Variants in ZNF331 observed in about 807,000 individuals in gnomAD.
ZNF331 encodes C2H2-like zinc finger protein rearranged in thyroid adenomas.
In ZNF331, 2 loss-of-function variants were observed where a neutral mutation model predicts 7.0. The ratio of observed to expected loss-of-function variants is 0.29; its 90% CI spans 0.12 to 0.90. The LOEUF (loss-of-function observed/expected upper bound fraction) is 0.90. ZNF331 is among the 40% of genes least tolerant of loss of function. ZNF331 has a pLI of 0.58. For missense variants in ZNF331, 432 were observed against 587.7 expected, an observed-to-expected ratio of 0.74 and a Z score of 2.74; for synonymous variants, 196 against 205.4, an observed-to-expected ratio of 0.95 and a Z score of 0.39.
chr19:53,517,195 A>T (rs4803140), upstream of ZNF331, among the ~76,000 whole-genome samples: 50,706 of 152,014 alleles, frequency 0.33, 8,679 homozygotes, highest in Middle Eastern at 0.42. Flanking sequence ...AAAACACCTG[A>T]TGTACAGAGT....
intron 2 of ZNF331, chr19:53,554,627 TG>T: frequency 6.6e-6 from 1 of 152,356 alleles, no homozygotes. Context: ...TTGGGGGTGA[TG>T]GGGGCCGTGC....
At chr19:53,522,280 T>C (rs1433406859) in intron 1 of ZNF331, among the ~76,000 whole-genome samples, 2 of 145,126 alleles carry the variant, frequency 1.4e-5, no homozygotes, top group Non-Finnish European at 3.0e-5. Context: ...TGAGACAGAG[T>C]CTTGCTCTGT....
chr19:53,517,857 C>T (rs1343552136), upstream of ZNF331, among the ~76,000 whole-genome samples: 1 of 152,150 alleles, frequency 6.6e-6, no homozygotes, highest in Non-Finnish European at 1.5e-5. Context: ...CAGGTCCACA[C>T]ACGTTTGTAT....
intron 2 of ZNF331, among the ~76,000 whole-genome samples, chr19:53,544,796 C>T (rs62143909): frequency 6.6e-6 from 1 of 151,582 alleles, no homozygotes; most frequent in East Asian, 2.0e-4. Context: ...TGCAGTGGCA[C>T]AATCTCAGCT....
upstream of ZNF331, among the ~76,000 whole-genome samples, chr19:53,519,586 C>T (rs560589863): frequency 6.6e-6 from 1 of 152,352 alleles, no homozygotes; most frequent in South Asian, 2.1e-4. Flanking sequence ...ATCATAAGAA[C>T]ATCTTGTCAA....
intron 3 of ZNF331, among the ~76,000 whole-genome samples, chr19:53,565,163 T>C (rs969554183): frequency 2.6e-5 from 4 of 152,128 alleles, no homozygotes; most frequent in Non-Finnish European, 4.4e-5. Flanking sequence ...GGAAACTAAA[T>C]AGAAGAAGCT....
rs1163846708 is a variant in ZNF331, at chr19:53,544,512, T to C, written c.-138+5230T>C. Among the ~76,000 whole-genome samples the C allele has an allele frequency of 2.8e-5, 4 of 140,976 alleles. 1 individual carries two copies. In the South Asian group the frequency reaches 9.1e-4, roughly 32 times the overall value. 92.5% of individuals were successfully genotyped at this position (140,976 alleles called of 152,430 possible). A position where few individuals can be genotyped will look rare whatever the true frequency, so the allele number is the denominator to read the frequency against. On this transcript the variant is annotated intron_variant, in intron 2 of 5. Transcript: ENST00000449416. Reference sequence around the variant, plus strand: ...GTGAGCCGAGATCACGCCACTGCACTCCAGCCTGGGCGACAGAGCAAGACT... The same window carrying C: ...GTGAGCCGAGATCACGCCACTGCACCCCAGCCTGGGCGACAGAGCAAGACT...
At chr19:53,569,231 C>T in intron 3 of ZNF331, 73 bp from the exon 4 acceptor site, 2 of 761,508 alleles carry the variant, frequency 2.6e-6, no homozygotes, top group Admixed American at 2.3e-5. Context: ...GACAGAGGAG[C>T]CAAAAGGTCA....
At chr19:53,538,948 A>G (rs2087933759) in intron 1 of ZNF331, 1 of 152,398 alleles carries the variant, frequency 6.6e-6, no homozygotes, top group Non-Finnish European at 1.5e-5. Context: ...AGAAACAGCC[A>G]TGAGGTGACG....
chr19:53,512,032 G>A, the ZNF331 span: 1 of 152,362 alleles, frequency 6.6e-6, no homozygotes, highest in Non-Finnish European at 1.5e-5. Context: ...TCTGAGAAGG[G>A]GCAGGTCTTT....
chr19:53,512,569 C>G, the ZNF331 span: 1 of 152,136 alleles, frequency 6.6e-6, no homozygotes, highest in Non-Finnish European at 1.5e-5. Flanking sequence ...CTGCTGTGCC[C>G]ACATCAGAGG....
rs2147307560 is a variant in ZNF331 at position 53,539,043 on chromosome 19, G to A, written c.-204-173G>A. Reference sequence around the variant, plus strand: ...CAGGAGTAGAATTCCTCCTGTAGAGGGACAGGTCCCTGATGTGGGAGACAG... The same window carrying A: ...CAGGAGTAGAATTCCTCCTGTAGAGAGACAGGTCCCTGATGTGGGAGACAG... On this transcript the variant is annotated intron_variant, in intron 1 of 5. Coordinates refer to ENST00000449416, the MANE Select transcript of ZNF331 (RefSeq NM_001079906.2). This position sits in a 1 kb window ranked among gnomAD's most constrained non-coding sequence, Gnocchi z 6.1. 6.6e-6 allele frequency: 1 copy of A among 152,334 alleles called. No individual in the cohort carries two copies. Among genetic ancestry groups the A allele is most frequent in the African/African-American group, 2.4e-5 (1 of 41,562 alleles). The allele number at this position is 152,334 out of a possible 1,614,324, so 9.4% of individuals were successfully genotyped here. A position where few individuals can be genotyped will look rare whatever the true frequency, so the allele number is the denominator to read the frequency against.
At chr19:53,574,106 A>C (rs547066359) in intron 5 of ZNF331, among the ~76,000 whole-genome samples, 63 of 150,592 alleles carry the variant, frequency 4.2e-4, no homozygotes, top group Non-Finnish European at 8.1e-4. Flanking sequence ...ACAGAGCAAG[A>C]CTCCCTCTCA....
chr19:53,563,887 T>C (rs940705578), intron 3 of ZNF331: 2 of 151,674 alleles, frequency 1.3e-5, no homozygotes, highest in Admixed American at 6.6e-5. Context: ...ATACAAAAAT[T>C]AGCCGGGCGT....
chr19:53,511,492 C>G, the ZNF331 span, among the ~76,000 whole-genome samples: 1 of 151,658 alleles, frequency 6.6e-6, no homozygotes, highest in East Asian at 1.9e-4. Context: ...ATCATATGAG[C>G]CAAAAACTAA....
In ZNF331 at chr19:53,577,620, C is replaced by G. The variant is rs2090779652; in HGVS notation, c.1060C>G (p.Pro354Ala). The change falls in exon 6 of 6, where the codon CCG becomes GCG. Residue 354 changes from proline (P) to alanine (A), a missense_variant. Coordinates refer to ENST00000449416, the MANE Select transcript of ZNF331 (RefSeq NM_001079906.2). ...KHERIHTGEK[P>A]YKCTECGKAF... ...CGAGAGGATACATACGGGCGAGAAG[C>G]CGTACAAGTGCACAGAATGTGGGAA... The G allele has an allele frequency of 6.2e-7, 1 of 1,613,714 alleles. No individual in the cohort carries two copies. Among genetic ancestry groups the G allele is most frequent in the Non-Finnish European group, 8.5e-7 (1 of 1,179,954 alleles).
At chr19:53,504,451 TC>T in the ZNF331 span, among the ~76,000 whole-genome samples, 5 of 150,178 alleles carry the variant, frequency 3.3e-5, no homozygotes, top group Non-Finnish European at 5.9e-5. Flanking sequence ...TACCTCCTGA[TC>T]CCCCCTCCAC....
upstream of ZNF331, among the ~76,000 whole-genome samples, chr19:53,536,124 AT>A (rs2087738274): frequency 5.3e-5 from 8 of 152,172 alleles, no homozygotes; most frequent in South Asian, 1.7e-3. Context: ...TTTAAACTAG[AT>A]TTTTTAAGGA....
intron 2 of ZNF331, among the ~76,000 whole-genome samples, chr19:53,545,203 C>T (rs996469832): frequency 6.6e-6 from 1 of 152,158 alleles, no homozygotes; most frequent in African/African-American, 2.4e-5. Flanking sequence ...TTATGTACTT[C>T]TGTTTTCTTG....
Sources: allele counts gnomAD v4.1 joint callset (sites outside exome capture counted in the v4.1 genomes callset), GRCh38; gene constraint gnomAD v4.1.1; non-coding constraint Gnocchi (gnomAD v3.1); transcripts MANE v1.5; gene names NCBI Gene and HGNC (gene_info 2026-07-23, HGNC 2026-07-21).